The following EMILIN2 variants were observed in gnomAD, a reference collection of about 807,000 sequenced individuals.
EMILIN2 encodes the protein elastin microfibril interfacer 2, also known as EMILIN-2.
EMILIN2 carries 71 observed loss-of-function variants against 87.1 expected under a neutral mutation model. That is an observed-to-expected ratio of 0.82 (90% CI 0.67 to 0.99). EMILIN2 has a LOEUF of 0.99. EMILIN2 is among the 50% of genes least tolerant of loss of function. The pLI is 0.00. For synonymous variants in EMILIN2, 581 were observed against 563.4 expected (o/e 1.03, Z -0.44); for missense variants, 1,407 against 1,371.8 (o/e 1.03, Z -0.40).
chr18:2,895,268 G>T (rs2076858119), intron 4 of EMILIN2, among the ~76,000 whole-genome samples: 1 of 152,068 alleles, frequency 6.6e-6, no homozygotes, highest in African/African-American at 2.4e-5. Flanking sequence ...CTCAGTGTAG[G>T]TATTTACCGA....
intron 2 of EMILIN2, among the ~76,000 whole-genome samples, chr18:2,858,547 A>ATATATGTGTG (rs2076640470): frequency 2.1e-5 from 1 of 48,054 alleles, no homozygotes; most frequent in Non-Finnish European, 3.4e-5. Flanking sequence ...ATATATATAT[A>ATATATGTGTG]TATATATATA....
At chr18:2,875,105 T>C (rs2076740720) in intron 2 of EMILIN2, among the ~76,000 whole-genome samples, 1 of 151,970 alleles carries the variant, frequency 6.6e-6, no homozygotes, top group Admixed American at 6.6e-5. Flanking sequence ...GAGGGAGGGG[T>C]GCCGGTGCTG....
Position 2,913,579 on chromosome 18 carries a change from A to T in EMILIN2, c.*175A>T. The T allele has an allele frequency of 1.7e-6, 1 of 591,240 alleles. No individual in the cohort carries two copies. Among genetic ancestry groups the T allele is most frequent in the Non-Finnish European group, 2.9e-6 (1 of 340,108 alleles). The allele number at this position is 591,240 out of a possible 1,614,324, so 36.6% of individuals were successfully genotyped here. ...GCCTTACTGCATCCAGCCAGGCTGC[A>T]GGGAGTGAGGCACACGGTGAACATG... On this transcript the variant is annotated 3_prime_UTR_variant, in exon 8 of 8. Transcript: ENST00000254528.
At chr18:2,883,596 T>C (rs1900766678) in intron 2 of EMILIN2, among the ~76,000 whole-genome samples, 1 of 152,232 alleles carries the variant, frequency 6.6e-6, no homozygotes, top group Non-Finnish European at 1.5e-5. Flanking sequence ...CTGCGGGGGC[T>C]GAACTCCTGG....
At chr18:2,905,339 AG>A (rs1696302065) in intron 4 of EMILIN2, among the ~76,000 whole-genome samples, 1 of 145,184 alleles carries the variant, frequency 6.9e-6, no homozygotes, top group Non-Finnish European at 1.5e-5. Context: ...TATTTATCTT[AG>A]TTTTATTTTT....
chr18:2,904,724 G>T (rs1349720068), intron 4 of EMILIN2, among the ~76,000 whole-genome samples: 5 of 152,106 alleles, frequency 3.3e-5, no homozygotes, highest in Non-Finnish European at 1.5e-5. Context: ...CTTTTCTTTA[G>T]TTGGTGTGGC....
intron 2 of EMILIN2, among the ~76,000 whole-genome samples, chr18:2,858,414 G>C (rs1003318058): frequency 2.7e-5 from 4 of 149,268 alleles, no homozygotes; most frequent in African/African-American, 9.9e-5. Flanking sequence ...CATAATGTTT[G>C]GTTTTCCACT....
chr18:2,885,642 C>T (rs544560340), intron 3 of EMILIN2, among the ~76,000 whole-genome samples: 3 of 152,260 alleles, frequency 2.0e-5, no homozygotes, highest in Admixed American at 6.5e-5. Flanking sequence ...CCTTGGCCTC[C>T]GAGTAGCTGG....
chr18:2,893,675 G>A (rs2076850504), intron 4 of EMILIN2, among the ~76,000 whole-genome samples: 1 of 152,192 alleles, frequency 6.6e-6, no homozygotes, highest in African/African-American at 2.4e-5. Context: ...CGGAGTCTGG[G>A]CGTGAAAGGA....
At chr18:2,892,984 A>G (rs1363388531) in intron 4 of EMILIN2, among the ~76,000 whole-genome samples, 3 of 151,930 alleles carry the variant, frequency 2.0e-5, no homozygotes, top group Admixed American at 6.6e-5. Flanking sequence ...CCTGGGAGGC[A>G]GAGGTTAAGG....
chr18:2,902,694 C>T (rs2144060270), intron 4 of EMILIN2, among the ~76,000 whole-genome samples: 1 of 152,214 alleles, frequency 6.6e-6, no homozygotes, highest in African/African-American at 2.4e-5. Context: ...AAGTGGAGAA[C>T]AATGGAAGAT....
chr18:2,880,254 G>A lies in EMILIN2; in HGVS notation c.258-4710G>A, dbSNP rs2076770080. ...ACTTCCAGTCATATGGTCCCTGGACGCTGACACAACTTTTCCAGGACTTTT... is the reference window on the plus strand; with the variant it reads ...ACTTCCAGTCATATGGTCCCTGGACACTGACACAACTTTTCCAGGACTTTT... On this transcript the variant is annotated intron_variant, in intron 2 of 7. Transcript: ENST00000254528. This position sits in a 1 kb window ranked among gnomAD's most constrained non-coding sequence, Gnocchi z 4.1. Among the ~76,000 whole-genome samples the A allele has an allele frequency of 6.6e-6, 1 of 152,076 alleles. No individual in the cohort carries two copies. Among genetic ancestry groups the A allele is most frequent in the Non-Finnish European group, 1.5e-5 (1 of 68,016 alleles).
intron 2 of EMILIN2, among the ~76,000 whole-genome samples, chr18:2,862,828 A>T (rs1300036239): frequency 7.2e-5 from 11 of 152,102 alleles, no homozygotes; most frequent in Admixed American, 5.9e-4. Context: ...CTGGTAGAAT[A>T]CAGCTGTGAA....
intron 4 of EMILIN2, among the ~76,000 whole-genome samples, chr18:2,899,920 A>G (rs1322852759): frequency 1.3e-5 from 2 of 152,244 alleles, no homozygotes; most frequent in Non-Finnish European, 2.9e-5. Context: ...GCTCAAATGT[A>G]TTGCCACAGA....
intron 2 of EMILIN2, among the ~76,000 whole-genome samples, chr18:2,853,563 C>T (rs1206544332): frequency 6.6e-6 from 1 of 152,192 alleles, no homozygotes; most frequent in Non-Finnish European, 1.5e-5. Flanking sequence ...GAGAATGTGA[C>T]GAGCCCTGCC....
rs913182422 is a variant in EMILIN2, at chr18:2,884,879, C to A, written c.258-85C>A. The A allele has an allele frequency of 1.7e-5, 25 of 1,451,390 alleles. No individual in the cohort carries two copies. The Admixed American group carries it at 3.7e-4, about 22-fold the overall frequency. 89.9% of individuals were successfully genotyped at this position (1,451,390 alleles called of 1,614,324 possible). A position where few individuals can be genotyped will look rare whatever the true frequency, so the allele number is the denominator to read the frequency against. On this transcript the variant is annotated intron_variant, in intron 2 of 7. Coordinates refer to ENST00000254528, the MANE Select transcript of EMILIN2 (RefSeq NM_032048.3). ...GAGAGCAGGCAGGGTCCTGCATGCC[C>A]TGAGTCCTCTTTATTTGGGTCTAGC...
intron 7 of EMILIN2, among the ~76,000 whole-genome samples, chr18:2,912,092 G>A (rs1201493313): frequency 7.0e-6 from 1 of 142,868 alleles, no homozygotes; most frequent in African/African-American, 2.6e-5. Context: ...AGGCTGGAGT[G>A]CAGTGGTGTC....
intron 2 of EMILIN2, among the ~76,000 whole-genome samples, chr18:2,875,242 G>A (rs1222801999): frequency 6.6e-6 from 1 of 152,220 alleles, no homozygotes; most frequent in Non-Finnish European, 1.5e-5. Flanking sequence ...TTGTTCAGCA[G>A]CTCTGAATAG....
Position 2,890,434 on chromosome 18 carries a change from T to A in EMILIN2, c.434-127T>A. The A allele has an allele frequency of 8.7e-7, 1 of 1,150,230 alleles. No individual in the cohort carries two copies. The highest frequency in any genetic ancestry group is 1.2e-6 in the Non-Finnish European group (1 of 822,196). 71.3% of individuals were successfully genotyped at this position (1,150,230 alleles called of 1,614,324 possible). On this transcript the variant is annotated intron_variant, in intron 3 of 7. Transcript: ENST00000254528. The surrounding 1 kb of genome is among the most constrained non-coding windows in gnomAD (Gnocchi z 4.7). Reference sequence around the variant, plus strand: ...TTTCTACTGTACCACAGTACTTACCTACAATTGTGTAGTGACCTGTAAGTG... The same window carrying A: ...TTTCTACTGTACCACAGTACTTACCAACAATTGTGTAGTGACCTGTAAGTG...
Sources: allele counts gnomAD v4.1 joint callset (sites outside exome capture counted in the v4.1 genomes callset), GRCh38; gene constraint gnomAD v4.1.1; non-coding constraint Gnocchi (gnomAD v3.1); transcripts MANE v1.5; gene names NCBI Gene and HGNC (gene_info 2026-07-23, HGNC 2026-07-21).